The following ZNF385D variants were observed in gnomAD, a reference collection of about 807,000 sequenced individuals.
The protein encoded by ZNF385D is zinc finger protein 385D.
A neutral mutation model predicts 35.8 loss-of-function variants in ZNF385D; 15 were observed. The ratio of observed to expected loss-of-function variants is 0.42; its 90% CI spans 0.28 to 0.64. The LOEUF is 0.64. ZNF385D is among the 30% of genes least tolerant of loss of function. The pLI, the probability that ZNF385D is intolerant of heterozygous loss-of-function variation, is 0.23. For missense variants in ZNF385D, 474 were observed against 494.6 expected, an observed-to-expected ratio of 0.96 and a Z score of 0.39; for synonymous variants, 212 against 186.8, an observed-to-expected ratio of 1.13 and a Z score of -1.10.
intron 3 of ZNF385D, among the ~76,000 whole-genome samples, chr3:21,996,807 G>A (rs747434219): frequency 7.2e-5 from 11 of 152,110 alleles, no homozygotes; most frequent in Non-Finnish European, 1.5e-4. Flanking sequence ...CCATCAAAGG[G>A]TAAGGAGGAT....
chr3:21,478,779 T>A (rs919754377), intron 4 of ZNF385D, among the ~76,000 whole-genome samples: 3 of 152,064 alleles, frequency 2.0e-5, no homozygotes, highest in Non-Finnish European at 4.4e-5. Context: ...TATGACTATC[T>A]TCCATAAAAA....
At chr3:21,645,230 A>G (rs778739932) in intron 2 of ZNF385D, among the ~76,000 whole-genome samples, 2 of 152,194 alleles carry the variant, frequency 1.3e-5, no homozygotes, top group Non-Finnish European at 1.5e-5. Context: ...ATCAGTTAAC[A>G]GTTGTTGAAA....
intron 3 of ZNF385D, among the ~76,000 whole-genome samples, chr3:21,989,161 G>A (rs1309743079): frequency 6.6e-6 from 1 of 152,124 alleles, no homozygotes; most frequent in African/African-American, 2.4e-5. Flanking sequence ...TTCCTATTCG[G>A]CCATCTTGGC....
intron 3 of ZNF385D, among the ~76,000 whole-genome samples, chr3:21,895,003 A>C (rs980211652): frequency 2.0e-5 from 3 of 152,144 alleles, no homozygotes; most frequent in Non-Finnish European, 4.4e-5. Context: ...GCATGCATAA[A>C]GTGAAGTAGG....
intron 2 of ZNF385D, among the ~76,000 whole-genome samples, chr3:22,246,002 G>A (rs992287890): frequency 2.0e-5 from 3 of 152,050 alleles, no homozygotes; most frequent in African/African-American, 7.2e-5. Context: ...ACAGTGCCAC[G>A]AAGCCAGCCT....
intron 1 of ZNF385D, among the ~76,000 whole-genome samples, chr3:21,708,004 G>C (rs1352187114): frequency 1.3e-5 from 2 of 152,122 alleles, no homozygotes; most frequent in Non-Finnish European, 2.9e-5. Flanking sequence ...CGGGCATGTA[G>C]GACTTTGGAA....
At chr3:21,720,411 T>C (rs1399620664) in intron 1 of ZNF385D, among the ~76,000 whole-genome samples, 5 of 152,124 alleles carry the variant, frequency 3.3e-5, no homozygotes, top group African/African-American at 1.2e-4. Flanking sequence ...AATGTTATCC[T>C]GGTGTGGTGG....
intron 3 of ZNF385D, among the ~76,000 whole-genome samples, chr3:21,786,170 T>A (rs1269850926): frequency 6.6e-6 from 1 of 152,186 alleles, no homozygotes; most frequent in African/African-American, 2.4e-5. Context: ...CAAACTCAGC[T>A]TTCTTTGACA....
At chr3:22,090,545 G>A (rs1267799291) in intron 3 of ZNF385D, among the ~76,000 whole-genome samples, 1 of 152,030 alleles carries the variant, frequency 6.6e-6, no homozygotes, top group Non-Finnish European at 1.5e-5. Context: ...CACAGCCTAA[G>A]GGTCAGAGAG....
At chr3:21,580,339 T>C (rs1281185854) in intron 2 of ZNF385D, among the ~76,000 whole-genome samples, 1 of 152,174 alleles carries the variant, frequency 6.6e-6, no homozygotes, top group Non-Finnish European at 1.5e-5. Flanking sequence ...ATAAGTAGTG[T>C]ACCAATTAAT....
At chr3:21,905,961 G>A (rs1699663986) in intron 3 of ZNF385D, among the ~76,000 whole-genome samples, 1 of 152,116 alleles carries the variant, frequency 6.6e-6, no homozygotes, top group African/African-American at 2.4e-5. Flanking sequence ...TATGAATTAT[G>A]GATGCTTAGG....
chr3:22,253,688 G>A (rs952920408), intron 2 of ZNF385D, among the ~76,000 whole-genome samples: 1 of 151,892 alleles, frequency 6.6e-6, no homozygotes, highest in African/African-American at 2.4e-5. Flanking sequence ...TTTTGTCAGT[G>A]ACTTAGTTTT....
At chr3:21,994,796 C>T (rs931883450) in intron 3 of ZNF385D, among the ~76,000 whole-genome samples, 4 of 152,160 alleles carry the variant, frequency 2.6e-5, no homozygotes, top group Non-Finnish European at 4.4e-5. Context: ...ATGATTTCTT[C>T]AGCTGTAATA....
intron 2 of ZNF385D, among the ~76,000 whole-genome samples, chr3:22,251,077 C>T (rs550043617): frequency 5.3e-5 from 8 of 152,212 alleles, no homozygotes; most frequent in African/African-American, 1.9e-4. Context: ...AGACTAACTA[C>T]TGAGCCACTT....
chr3:22,205,573 T>C (rs1002096171), intron 2 of ZNF385D, among the ~76,000 whole-genome samples: 4 of 151,830 alleles, frequency 2.6e-5, no homozygotes, highest in African/African-American at 9.7e-5. Flanking sequence ...AAGATATAAA[T>C]AGAAATAACA....
intron 3 of ZNF385D, among the ~76,000 whole-genome samples, chr3:21,943,357 GTAAT>G (rs1701628159): frequency 6.6e-6 from 1 of 151,278 alleles, no homozygotes; most frequent in Non-Finnish European, 1.5e-5. Context: ...GAAAGAATAA[GTAAT>G]TATTTATTTG....
At chr3:21,447,427 CTGCA>C (rs1702214608) in intron 4 of ZNF385D, among the ~76,000 whole-genome samples, 1 of 152,162 alleles carries the variant, frequency 6.6e-6, no homozygotes, top group Non-Finnish European at 1.5e-5. Flanking sequence ...GAAAAAAATA[CTGCA>C]TGCTGCAGTA....
Position 22,122,669 on chromosome 3 carries a change from G to C in ZNF385D, c.325+46148C>G, listed in dbSNP as rs73142957. The stretch of plus-strand genomic sequence containing the variant: ...ATAATAAGTTCTATGGAAGAAAGAA[G>C]AACAGAGAGTATATATATGGGGGAG... On this transcript the variant is annotated intron_variant, in intron 3 of 5. Transcript: ENST00000494108. Among the ~76,000 whole-genome samples, 158 of 152,238 alleles carry C rather than the reference G, an allele frequency of 1.0e-3. 1 individual carries two copies. The highest frequency in any genetic ancestry group is 3.7e-3 in the African/African-American group (152 of 41,560).
At chr3:22,249,380 C>T (rs1384883369) in intron 2 of ZNF385D, among the ~76,000 whole-genome samples, 2 of 152,114 alleles carry the variant, frequency 1.3e-5, no homozygotes. Flanking sequence ...CACGGTTCAT[C>T]AGAAACTCGG....
Sources: allele counts gnomAD v4.1 joint callset (sites outside exome capture counted in the v4.1 genomes callset), GRCh38; gene constraint gnomAD v4.1.1; transcripts MANE v1.5; gene names NCBI Gene and HGNC (gene_info 2026-07-23, HGNC 2026-07-21).